Variants in SCAMP5 observed in about 807,000 individuals in gnomAD.
The protein encoded by SCAMP5 is secretory carrier-associated membrane protein 5.
Under a neutral mutation model 28.3 loss-of-function variants are expected in SCAMP5, and 7 were observed. That is an observed-to-expected ratio of 0.25 (90% CI 0.14 to 0.46). The LOEUF (loss-of-function observed/expected upper bound fraction) is 0.46. Ranked by LOEUF, SCAMP5 falls within the 20% of genes least tolerant of loss-of-function variation. The pLI is 0.99. For synonymous variants in SCAMP5, 117 were observed against 116.4 expected (o/e 1.00, Z -0.03); for missense variants, 192 against 312.5 (o/e 0.61, Z 2.91).
rs1367402291 is a variant in SCAMP5, at chr15:75,015,934, A to G, written c.137-659A>G. Among the ~76,000 whole-genome samples the G allele has an allele frequency of 2.6e-5, 4 of 151,726 alleles. No homozygotes were observed. The East Asian group carries it at 7.7e-4, about 29-fold the overall frequency. ...GAGTGAAATTCCATCTCAAAAAAAA[A>G]AAAAAAAAAAAAGAAATAGATTAGA... On this transcript the variant is annotated intron_variant, in intron 3 of 6. Transcript: ENST00000425597.
At chr15:75,014,115 C>T (rs2065838856) in intron 3 of SCAMP5, among the ~76,000 whole-genome samples, 1 of 152,192 alleles carries the variant, frequency 6.6e-6, no homozygotes, top group Non-Finnish European at 1.5e-5. Flanking sequence ...ATATGTGACA[C>T]TGCCCTGAGT....
intron 1 of SCAMP5, among the ~76,000 whole-genome samples, chr15:75,000,991 T>C (rs2065701415): frequency 6.6e-6 from 1 of 151,980 alleles, no homozygotes; most frequent in East Asian, 1.9e-4. Context: ...CCGGGCGCGG[T>C]GGCTCACGCC....
At chr15:75,004,155 C>T (rs749986423) in intron 1 of SCAMP5, among the ~76,000 whole-genome samples, 2 of 152,020 alleles carry the variant, frequency 1.3e-5, no homozygotes, top group Non-Finnish European at 2.9e-5. Flanking sequence ...CCGCCCGCCT[C>T]GGTCTCCCAA....
intron 1 of SCAMP5, among the ~76,000 whole-genome samples, chr15:74,999,447 C>T (rs1412412251): frequency 2.0e-5 from 3 of 152,102 alleles, no homozygotes; most frequent in Non-Finnish European, 4.4e-5. Flanking sequence ...GGACTACTCT[C>T]CCCAGGCCCT....
chr15:74,998,397 G>A (rs1048882278), intron 1 of SCAMP5, among the ~76,000 whole-genome samples: 9 of 152,270 alleles, frequency 5.9e-5, no homozygotes, highest in African/African-American at 2.2e-4. Flanking sequence ...CCTGAGGTCA[G>A]GAGTTCGAGA....
At chr15:75,001,229 C>T (rs564795121) in intron 1 of SCAMP5, among the ~76,000 whole-genome samples, 14 of 142,314 alleles carry the variant, frequency 9.8e-5, no homozygotes, top group African/African-American at 3.8e-4. Context: ...GAGCCGAGAT[C>T]GCGTCACTGC....
intron 1 of SCAMP5, among the ~76,000 whole-genome samples, chr15:75,010,789 A>G (rs1318405313): frequency 6.6e-6 from 1 of 151,214 alleles, no homozygotes; most frequent in Non-Finnish European, 1.5e-5. Context: ...AAGAAAAAAA[A>G]AAATGTGAAG....
chr15:75,007,227 G>A (rs560425355), intron 1 of SCAMP5, among the ~76,000 whole-genome samples: 10 of 152,050 alleles, frequency 6.6e-5, no homozygotes, highest in South Asian at 2.1e-4. Context: ...TTACCTTTCC[G>A]CGGTCTGAAT....
chr15:75,002,042 GC>G lies in SCAMP5; in HGVS notation c.-49+6370del, dbSNP rs542778616. Among the ~76,000 whole-genome samples, 206 of 152,204 alleles carry G rather than the reference GC, an allele frequency of 1.4e-3. 1 individual carries two copies. The highest frequency in any genetic ancestry group is 6.8e-3 in the Middle Eastern group (2 of 294). ...GATGGATTGAGTGTAGGAGGTTGAG[GC>G]TGCAGTGAGCTGTGATTGCACCACC... On this transcript the variant is annotated intron_variant, in intron 1 of 6. Transcript: ENST00000425597.
intron 1 of SCAMP5, among the ~76,000 whole-genome samples, chr15:75,006,873 C>A (rs777598795): frequency 6.6e-6 from 1 of 151,950 alleles, no homozygotes; most frequent in Non-Finnish European, 1.5e-5. Flanking sequence ...ACCCAGGAGG[C>A]GGAGGTTGCA....
chr15:75,000,296 C>T (rs2065691606), intron 1 of SCAMP5, among the ~76,000 whole-genome samples: 1 of 152,224 alleles, frequency 6.6e-6, no homozygotes. Context: ...GCATCCAACT[C>T]CTGGGCTCAC....
chr15:75,002,239 G>A (rs974742352), intron 1 of SCAMP5, among the ~76,000 whole-genome samples: 1 of 151,714 alleles, frequency 6.6e-6, no homozygotes, highest in Non-Finnish European at 1.5e-5. Context: ...GATCCTGTTC[G>A]GCTTCCCACC....
chr15:75,017,052 T>A (rs1177152983), intron 4 of SCAMP5, among the ~76,000 whole-genome samples: 1 of 151,832 alleles, frequency 6.6e-6, no homozygotes, highest in East Asian at 1.9e-4. Context: ...CATGTTAAAT[T>A]TTGCCTGTGG....
At chr15:74,998,906 C>T (rs1406561772) in intron 1 of SCAMP5, among the ~76,000 whole-genome samples, 2 of 152,152 alleles carry the variant, frequency 1.3e-5, no homozygotes, top group Admixed American at 1.3e-4. Flanking sequence ...TTGTCTGGGA[C>T]CAGGGACAGG....
At chr15:75,008,501 C>CTTTTTTT (rs768510982) in intron 1 of SCAMP5, among the ~76,000 whole-genome samples, 1 of 131,008 alleles carries the variant, frequency 7.6e-6, no homozygotes, top group Non-Finnish European at 1.7e-5. Context: ...CATCTTTATT[C>CTTTTTTT]TTTTTTTTTT....
rs7342650 is a variant in SCAMP5, at chr15:75,012,989, C to T, written c.136+184C>T. 8.8e-3 allele frequency: 5,321 copies of T among 606,036 alleles called. 186 individuals are homozygous for T. Among genetic ancestry groups the T allele is most frequent in the African/African-American group, 0.085 (4,572 of 53,700 alleles). The allele number at this position is 606,036 out of a possible 1,614,324, so 37.5% of individuals were successfully genotyped here. ...AGGCTTCTTCCATGGGCCACCTCCC[C>T]GACTGGGCCTCAGTTTCCCTCAACC... On this transcript the variant is annotated intron_variant, in intron 3 of 6. Transcript: ENST00000425597.
At chr15:75,006,929 G>A (rs745403117) in intron 1 of SCAMP5, among the ~76,000 whole-genome samples, 7 of 152,088 alleles carry the variant, frequency 4.6e-5, no homozygotes, top group Non-Finnish European at 7.4e-5. Context: ...GCAACAGAGC[G>A]CGACTCTGTC....
rs773489227 is a variant in SCAMP5, at chr15:75,016,631, C to T, written c.175C>T (p.Leu59Phe). The T allele has an allele frequency of 6.2e-7, 1 of 1,613,782 alleles. No individual in the cohort carries two copies. Among genetic ancestry groups the T allele is most frequent in the South Asian group, 1.1e-5 (1 of 91,072 alleles). Residue 59 changes from leucine (L) to phenylalanine (F), a missense_variant, in exon 4 of 7, where the codon CTC (leucine) becomes TTC (phenylalanine). Physicochemically the swap from Leu to Phe is conservative, Grantham distance 22. Coordinates refer to ENST00000425597, the MANE Select transcript of SCAMP5 (RefSeq NM_138967.4). The stretch of plus-strand genomic sequence containing the variant: ...GCTGGCCGTGAACCTGGTGGGCTGT[C>T]TCGCGTGGCTGATCGGAGGCGGGGG... The part of the protein sequence containing the change: ...VTLAVNLVGC[L>F]AWLIGGGGAT...
rs960713385 is a variant in SCAMP5 at position 75,018,342 on chromosome 15, C to T, written c.396-76C>T. ...ATGTTTCCTCCCTGTGGCAATGAGACGGTCCCTTCCTCTAGCGGGGGGCTC... is the reference window on the plus strand; with the variant it reads ...ATGTTTCCTCCCTGTGGCAATGAGATGGTCCCTTCCTCTAGCGGGGGGCTC... On this transcript the variant is annotated intron_variant, in intron 5 of 6. Transcript: ENST00000425597. The surrounding 1 kb of genome is among the most constrained non-coding windows in gnomAD (Gnocchi z 5.6). The T allele has an allele frequency of 3.6e-5, 31 of 870,546 alleles. No homozygotes were observed. Among genetic ancestry groups the T allele is most frequent in the South Asian group, 7.9e-5 (6 of 76,172 alleles). The allele number at this position is 870,546 out of a possible 1,614,324, so 53.9% of individuals were successfully genotyped here.
Sources: gnomAD v4.1 joint callset for allele counts (sites outside exome capture counted in the v4.1 genomes callset) on GRCh38, gnomAD v4.1.1 for gene constraint, Gnocchi (gnomAD v3.1) non-coding constraint, MANE v1.5 for transcripts, NCBI Gene and HGNC (gene_info 2026-07-23, HGNC 2026-07-21) for gene names.